REPS2: variants seen among roughly 807,000 people sequenced by gnomAD.
The protein encoded by REPS2 is ralBP1-associated Eps domain-containing protein 2.
Under a neutral mutation model 53.6 loss-of-function variants are expected in REPS2, and 23 were observed. The observed-to-expected ratio is 0.43, with a 90% CI of 0.31 to 0.61. REPS2 has a LOEUF of 0.61. REPS2 is among the 20% of genes least tolerant of loss of function. REPS2 has a pLI of 0.11. For missense variants in REPS2, 446 were observed against 534.9 expected (o/e 0.83, Z 1.64); for synonymous variants, 238 against 218.6 (o/e 1.09, Z -0.78).
At chrX:17,039,020 G>A (rs898348632) in intron 5 of REPS2, among the ~76,000 whole-genome samples, 5 of 112,165 alleles carry the variant, frequency 4.5e-5, no homozygotes, top group African/African-American at 1.6e-4. Context: ...TCCAAGTTGT[G>A]GATGCATCTG....
chrX:17,080,120 A>G lies in REPS2; in HGVS notation c.1516+2713A>G, dbSNP rs765061026. Reference sequence around the variant, plus strand: ...TTCCAATTAACCATCTTTCTATTTCATATAGAGGATTGCACCGTTCCCTTT... The same window carrying G: ...TTCCAATTAACCATCTTTCTATTTCGTATAGAGGATTGCACCGTTCCCTTT... On this transcript the variant is annotated intron_variant, in intron 13 of 17. Coordinates refer to ENST00000357277, the MANE Select transcript of REPS2 (RefSeq NM_004726.3). 2.7e-5 allele frequency among the ~76,000 whole-genome samples: 3 copies of G among 111,306 alleles called. No homozygotes were observed. In the South Asian group the frequency reaches 1.1e-3, roughly 43 times the overall value.
intron 14 of REPS2, among the ~76,000 whole-genome samples, chrX:17,123,163 TG>T (rs1322644643): frequency 9.0e-6 from 1 of 111,723 alleles, no homozygotes; most frequent in East Asian, 2.8e-4. Flanking sequence ...GAGGCATGCA[TG>T]GGGCATCTTT....
intron 14 of REPS2, among the ~76,000 whole-genome samples, chrX:17,124,531 G>A (rs1003832568): frequency 9.0e-6 from 1 of 111,610 alleles, no homozygotes; most frequent in African/African-American, 3.3e-5. Flanking sequence ...TGGGCCATTG[G>A]TTCTACATCT....
At chrX:17,066,733 C>T (rs1473226477) in intron 9 of REPS2, among the ~76,000 whole-genome samples, 1 of 111,849 alleles carries the variant, frequency 8.9e-6, no homozygotes, top group Admixed American at 9.5e-5. Context: ...ATTAGCCGGG[C>T]GTGGTGGCAT....
chrX:17,195,796 T>C, the REPS2 span, among the ~76,000 whole-genome samples: 5 of 112,611 alleles, frequency 4.4e-5, no homozygotes, highest in Admixed American at 4.7e-4. Flanking sequence ...TTTTGCCCTC[T>C]GGCTTCAAAA....
At chrX:17,050,150 CTTT>C (rs1569148289) in intron 6 of REPS2, among the ~76,000 whole-genome samples, 9 of 32,883 alleles carry the variant, frequency 2.7e-4, no homozygotes, top group Admixed American at 5.9e-4. Flanking sequence ...TCCTTTCTTT[CTTT>C]CTTTCTTTCT....
At chrX:17,042,941 G>C (rs920302705) in intron 5 of REPS2, among the ~76,000 whole-genome samples, 2 of 110,836 alleles carry the variant, frequency 1.8e-5, no homozygotes, top group Non-Finnish European at 3.8e-5. Flanking sequence ...AACTACAAGT[G>C]CATGCCACCA....
At chrX:17,158,235 A>C (rs983169505), downstream of REPS2, among the ~76,000 whole-genome samples, 15 of 112,241 alleles carry the variant, frequency 1.3e-4, no homozygotes, top group African/African-American at 4.9e-4. Context: ...CAAGTAATTA[A>C]GACAGTGTAA....
At chrX:16,968,823 G>C (rs1238906474) in intron 1 of REPS2, among the ~76,000 whole-genome samples, 2 of 106,657 alleles carry the variant, frequency 1.9e-5, no homozygotes, top group Non-Finnish European at 3.9e-5. Flanking sequence ...CGGGCGGGGG[G>C]CTGACCCCCC....
chrX:16,991,416 A>G (rs1415291151), intron 1 of REPS2, among the ~76,000 whole-genome samples: 4 of 111,998 alleles, frequency 3.6e-5, no homozygotes, highest in Non-Finnish European at 7.5e-5. Context: ...TGAACCTTCT[A>G]TTTAGATTAA....
At chrX:17,159,538 A>C in the REPS2 span, among the ~76,000 whole-genome samples, 3 of 111,231 alleles carry the variant, frequency 2.7e-5, no homozygotes, top group African/African-American at 9.8e-5. Flanking sequence ...GACTGCCTGG[A>C]TTCAAATCCT....
chrX:17,002,506 C>T (rs1414529167), intron 1 of REPS2, among the ~76,000 whole-genome samples: 2 of 111,849 alleles, frequency 1.8e-5, no homozygotes, highest in Non-Finnish European at 3.8e-5. Context: ...TTGAGTAGCT[C>T]ACCCATGTCC....
chrX:17,112,884 C>G (rs1296541272), intron 14 of REPS2, among the ~76,000 whole-genome samples: 1 of 108,128 alleles, frequency 9.2e-6, no homozygotes, highest in Non-Finnish European at 1.9e-5. Context: ...GTCAGGAGAT[C>G]AAGACCATCC....
the REPS2 span, among the ~76,000 whole-genome samples, chrX:17,188,672 T>A: frequency 1.8e-5 from 2 of 112,318 alleles, no homozygotes; most frequent in Non-Finnish European, 3.8e-5. Context: ...GAAAGGAGTG[T>A]CAGTTTGTAG....
chrX:16,980,522 C>T (rs145629132), intron 1 of REPS2, among the ~76,000 whole-genome samples: 2,328 of 110,788 alleles, frequency 0.021, 58 homozygotes, highest in African/African-American at 0.072. Flanking sequence ...AGGATGGTCG[C>T]GATCTCTTGA....
Position 17,148,694 on chromosome X carries a change from A to G in REPS2, c.*1213A>G. 5.3e-6 allele frequency: 1 copy of G among 187,426 alleles called. No individual in the cohort carries two copies. The highest frequency in any genetic ancestry group is 8.2e-5 in the South Asian group (1 of 12,229). The allele number at this position is 187,426 out of a possible 1,213,427, so 15.4% of individuals were successfully genotyped here. ...GCCAGTATCCTACAGAAATTTAAGTAGCTACTGCTTCTCCTGAAAGCCCAA... is the reference window on the plus strand; with the variant it reads ...GCCAGTATCCTACAGAAATTTAAGTGGCTACTGCTTCTCCTGAAAGCCCAA... On this transcript the variant is annotated 3_prime_UTR_variant, in exon 18 of 18. Coordinates refer to ENST00000357277, the MANE Select transcript of REPS2 (RefSeq NM_004726.3).
chrX:17,094,241 A>G (rs1343637113), intron 13 of REPS2, among the ~76,000 whole-genome samples: 1 of 112,144 alleles, frequency 8.9e-6, no homozygotes, highest in East Asian at 2.8e-4. Context: ...TCAGTTGGAA[A>G]TAAGTTTTCT....
chrX:17,123,123 G>A (rs1414253766), intron 14 of REPS2, among the ~76,000 whole-genome samples: 1 of 112,057 alleles, frequency 8.9e-6, no homozygotes, highest in African/African-American at 3.2e-5. Flanking sequence ...GTGGGTGCCT[G>A]TTTTACTAAG....
chrX:17,037,203 T>C (rs1207622689), intron 5 of REPS2, among the ~76,000 whole-genome samples: 1 of 111,962 alleles, frequency 8.9e-6, no homozygotes, highest in Non-Finnish European at 1.9e-5. Context: ...AGCTCTTAAC[T>C]TTTGGGGAAG....
Sources: allele counts gnomAD v4.1 joint callset (sites outside exome capture counted in the v4.1 genomes callset), GRCh38; gene constraint gnomAD v4.1.1; transcripts MANE v1.5; gene names NCBI Gene and HGNC (gene_info 2026-07-23, HGNC 2026-07-21).